The following PRKAA2 variants were observed in gnomAD, a reference collection of about 807,000 sequenced individuals.
The protein encoded by PRKAA2 is 5'-AMP-activated protein kinase catalytic subunit alpha-2.
Under a neutral mutation model 56.3 loss-of-function variants are expected in PRKAA2, and 40 were observed. That is an observed-to-expected ratio of 0.71 (90% CI 0.55 to 0.92). The LOEUF is 0.92. PRKAA2 is among the 40% of genes least tolerant of loss of function. The pLI is 0.00. For missense variants in PRKAA2, 542 were observed against 686.9 expected (o/e 0.79, Z 2.36); for synonymous variants, 214 against 234.2 (o/e 0.91, Z 0.79).
intron 1 of PRKAA2, among the ~76,000 whole-genome samples, chr1:56,673,492 A>G (rs893960739): frequency 1.3e-5 from 2 of 152,214 alleles, no homozygotes; most frequent in African/African-American, 4.8e-5. Context: ...TGAGGAGAGT[A>G]GTGAAAGATT....
At chr1:56,697,190 AT>A (rs1052771373) in intron 6 of PRKAA2, among the ~76,000 whole-genome samples, 2 of 150,018 alleles carry the variant, frequency 1.3e-5, no homozygotes, top group African/African-American at 2.4e-5. Context: ...ATTTTTTTTA[AT>A]TTTTTTATTT....
At chr1:56,703,655 A>G (rs1644310893) in intron 6 of PRKAA2, among the ~76,000 whole-genome samples, 1 of 152,234 alleles carries the variant, frequency 6.6e-6, no homozygotes, top group Non-Finnish European at 1.5e-5. Flanking sequence ...CACACAAATA[A>G]TACAAAATTT....
chr1:56,680,259 A>G (rs916948049), intron 2 of PRKAA2, among the ~76,000 whole-genome samples: 2 of 152,144 alleles, frequency 1.3e-5, no homozygotes, highest in African/African-American at 4.8e-5. Flanking sequence ...ACCTTTTCCG[A>G]AGCCCTTAAA....
At chr1:56,696,673 AT>A (rs1644260986) in intron 6 of PRKAA2, among the ~76,000 whole-genome samples, 1 of 152,246 alleles carries the variant, frequency 6.6e-6, no homozygotes, top group South Asian at 2.1e-4. Flanking sequence ...ATAGGGTGAG[AT>A]TTTGTATTTT....
intron 2 of PRKAA2, among the ~76,000 whole-genome samples, chr1:56,689,543 C>T (rs1457017745): frequency 6.6e-6 from 1 of 151,300 alleles, no homozygotes. Context: ...CATGGTGAAA[C>T]CCCCCTCTCT....
chr1:56,661,683 TA>T, intron 1 of PRKAA2, among the ~76,000 whole-genome samples: 1 of 152,112 alleles, frequency 6.6e-6, no homozygotes, highest in South Asian at 2.1e-4. Flanking sequence ...AACGTGAATT[TA>T]AAACCATATA....
rs1470015043 is a variant in PRKAA2 at position 56,713,777 on chromosome 1, T to C, written c.*6064T>C. 2.0e-5 allele frequency: 3 copies of C among 151,236 alleles called. No homozygotes were observed. Among genetic ancestry groups the C allele is most frequent in the Non-Finnish European group, 4.4e-5 (3 of 67,850 alleles). The allele number at this position is 151,236 out of a possible 1,614,324, so 9.4% of individuals were successfully genotyped here. A position where few individuals can be genotyped will look rare whatever the true frequency, so the allele number is the denominator to read the frequency against. On this transcript the variant is annotated 3_prime_UTR_variant, in exon 9 of 9. Coordinates refer to ENST00000371244, the MANE Select transcript of PRKAA2 (RefSeq NM_006252.4). The stretch of plus-strand genomic sequence containing the variant: ...ATTTTTCACAGTTACACATTTAAGT[T>C]TTGCTACCAAAAATGGCCATTTTTC...
chr1:56,677,171 A>AC (rs1211781828), intron 2 of PRKAA2, among the ~76,000 whole-genome samples: 1 of 152,218 alleles, frequency 6.6e-6, no homozygotes, highest in African/African-American at 2.4e-5. Context: ...ATGTGTTGGC[A>AC]CTGGTATAAT....
In PRKAA2 at chr1:56,712,937, A is replaced by G. The variant is rs1366862659; in HGVS notation, c.*5224A>G. ...TTTGACTATTATCTGAATTAGTCTT[A>G]TCCAAATTTCATATGCAGATTGATT... is the stretch of plus-strand genomic sequence containing the variant. On this transcript the variant is annotated 3_prime_UTR_variant, in exon 9 of 9. Coordinates refer to ENST00000371244, the MANE Select transcript of PRKAA2 (RefSeq NM_006252.4). The G allele has an allele frequency of 6.6e-6, 1 of 152,158 alleles. No individual in the cohort carries two copies. Among genetic ancestry groups the G allele is most frequent in the African/African-American group, 2.4e-5 (1 of 41,466 alleles). 9.4% of individuals were successfully genotyped at this position (152,158 alleles called of 1,614,324 possible).
chr1:56,649,359 A>G (rs1646668871), intron 1 of PRKAA2, among the ~76,000 whole-genome samples: 2 of 152,148 alleles, frequency 1.3e-5, no homozygotes, highest in South Asian at 2.1e-4. Context: ...ATGAATTTCT[A>G]CTAAAAAAGC....
At chr1:56,654,901 T>A (rs1643928175) in intron 1 of PRKAA2, among the ~76,000 whole-genome samples, 3 of 152,066 alleles carry the variant, frequency 2.0e-5, no homozygotes. Flanking sequence ...CCATTAGATC[T>A]TTTTAAACAG....
chr1:56,696,561 C>T (rs1031421024), intron 6 of PRKAA2, among the ~76,000 whole-genome samples: 2 of 152,012 alleles, frequency 1.3e-5, no homozygotes, highest in African/African-American at 4.8e-5. Context: ...ATTATGATAT[C>T]AGGGTAGAGA....
chr1:56,663,072 TTTTG>T (rs1333146266), intron 1 of PRKAA2, among the ~76,000 whole-genome samples: 12 of 152,096 alleles, frequency 7.9e-5, no homozygotes, highest in African/African-American at 1.2e-4. Context: ...CTGCTCTGTT[TTTTG>T]TTTGTTTGTT....
In PRKAA2 at chr1:56,706,181, T is replaced by A. The variant is rs372218435; in HGVS notation, c.1383T>A (p.Asp461Glu). 1.2e-6 allele frequency: 2 copies of A among 1,613,792 alleles called. No individual in the cohort carries two copies. The highest frequency in any genetic ancestry group is 1.6e-4 in the Middle Eastern group (1 of 6,084). ...TGAGCTTACAACTTTACCTGGTTGATAACAGGAGCTATCTTTTGGACTTTA... is the reference window on the plus strand; with the variant it reads ...TGAGCTTACAACTTTACCTGGTTGAAAACAGGAGCTATCTTTTGGACTTTA... Reference protein sequence around the residue: ...VKMSLQLYLVDNRSYLLDFKS... With the variant: ...VKMSLQLYLVENRSYLLDFKS... The change falls in exon 8 of 9, where the codon GAT becomes GAA. Residue 461 changes from aspartate to glutamate, a missense_variant. Transcript: ENST00000371244.
intron 5 of PRKAA2, 112 bp downstream of exon 5, chr1:56,693,964 A>T: frequency 1.4e-6 from 1 of 698,308 alleles, no homozygotes; most frequent in Non-Finnish European, 2.3e-6. Flanking sequence ...GAAATGGATT[A>T]TTCATTTATT....
intron 2 of PRKAA2, among the ~76,000 whole-genome samples, chr1:56,686,587 C>T (rs1644192554): frequency 6.6e-6 from 1 of 152,112 alleles, no homozygotes; most frequent in African/African-American, 2.4e-5. Context: ...AGGCAACTGG[C>T]AGCCAGGGTG....
At chr1:56,649,208 A>G (rs887681160) in intron 1 of PRKAA2, among the ~76,000 whole-genome samples, 4 of 152,084 alleles carry the variant, frequency 2.6e-5, no homozygotes, top group African/African-American at 4.8e-5. Context: ...TAACTATGTG[A>G]TCTATTTTGA....
chr1:56,676,024 G>C (rs1644110573), intron 2 of PRKAA2, among the ~76,000 whole-genome samples: 1 of 152,178 alleles, frequency 6.6e-6, no homozygotes, highest in Non-Finnish European at 1.5e-5. Context: ...TATTTAGGCT[G>C]ATCTTTGTCA....
intron 1 of PRKAA2, among the ~76,000 whole-genome samples, chr1:56,649,998 G>A (rs1402516593): frequency 2.6e-5 from 4 of 152,124 alleles, no homozygotes; most frequent in African/African-American, 7.2e-5. Flanking sequence ...GGGAAGCTGA[G>A]GCAGGAGAAT....
Sources: gnomAD v4.1 joint callset for allele counts (sites outside exome capture counted in the v4.1 genomes callset) on GRCh38, gnomAD v4.1.1 for gene constraint, MANE v1.5 for transcripts, NCBI Gene and HGNC (gene_info 2026-07-23, HGNC 2026-07-21) for gene names.